Variants in RANBP2 observed in about 807,000 individuals in gnomAD.
RANBP2 encodes the protein RAN binding protein 2.
In RANBP2, 57 loss-of-function variants were observed where a neutral mutation model predicts 303.6. The ratio of observed to expected loss-of-function variants is 0.19; its 90% confidence interval spans 0.15 to 0.23. The LOEUF (loss-of-function observed/expected upper bound fraction) is 0.23, where lower values mean the gene tolerates loss of function less well. Among genes scored for constraint, RANBP2 ranks in the 10% least tolerant of loss-of-function variants. The pLI is 1.00. For synonymous variants in RANBP2, 1,167 were observed against 1,301.5 expected, an observed-to-expected ratio of 0.90 and a Z score of 2.23; for missense variants, 3,138 against 3,780.8, an observed-to-expected ratio of 0.83 and a Z score of 4.46.
At chr2:108,793,199 A>G in the RANBP2 span, among the ~76,000 whole-genome samples, 1 of 151,850 alleles carries the variant, frequency 6.6e-6, no homozygotes, top group African/African-American at 2.4e-5. Context: ...CTACTAAAAA[A>G]AAAAATAACA....
At chr2:108,749,618 G>A (rs1364574169) in intron 9 of RANBP2, among the ~76,000 whole-genome samples, 1 of 152,074 alleles carries the variant, frequency 6.6e-6, no homozygotes, top group African/African-American at 2.4e-5. Flanking sequence ...TTGAGACAGG[G>A]TCTCGCTGTG....
the RANBP2 span, among the ~76,000 whole-genome samples, chr2:109,051,981 C>G: frequency 6.6e-6 from 1 of 152,194 alleles, no homozygotes; most frequent in African/African-American, 2.4e-5. Flanking sequence ...ATCTCCTGAC[C>G]TGGTGATCCG....
At chr2:109,054,413 G>A in the RANBP2 span, among the ~76,000 whole-genome samples, 1 of 152,154 alleles carries the variant, frequency 6.6e-6, no homozygotes, top group Non-Finnish European at 1.5e-5. Flanking sequence ...GATCTTAAGA[G>A]TTTGGTGAGT....
chr2:109,389,253 TG>T, the RANBP2 span, among the ~76,000 whole-genome samples: 2 of 151,608 alleles, frequency 1.3e-5, no homozygotes, highest in Admixed American at 1.3e-4. Flanking sequence ...GGGGCAAGCG[TG>T]GGCCAGGCCC....
chr2:109,486,150 G>C, the RANBP2 span, among the ~76,000 whole-genome samples: 1 of 152,198 alleles, frequency 6.6e-6, no homozygotes, highest in African/African-American at 2.4e-5. Flanking sequence ...TCTGTGTCTT[G>C]ACATTACTCT....
At chr2:109,495,637 G>A in the RANBP2 span, among the ~76,000 whole-genome samples, 24 of 151,592 alleles carry the variant, frequency 1.6e-4, no homozygotes, top group African/African-American at 4.6e-4. Context: ...GATTACAGGC[G>A]TCCACTGACA....
the RANBP2 span, among the ~76,000 whole-genome samples, chr2:109,296,010 G>T: frequency 5.9e-5 from 9 of 152,082 alleles, no homozygotes; most frequent in African/African-American, 2.2e-4. Context: ...CATCTGTGAA[G>T]GATTGATGGG....
At chr2:108,924,345 C>A in the RANBP2 span, among the ~76,000 whole-genome samples, 3 of 152,246 alleles carry the variant, frequency 2.0e-5, no homozygotes, top group South Asian at 6.2e-4. Context: ...TTGGGGCTCC[C>A]AGCTCGGGCG....
At chr2:109,472,541 C>G in the RANBP2 span, among the ~76,000 whole-genome samples, 1 of 152,174 alleles carries the variant, frequency 6.6e-6, no homozygotes, top group Non-Finnish European at 1.5e-5. Flanking sequence ...TCAGAAACCC[C>G]GATCCAATTG....
the RANBP2 span, among the ~76,000 whole-genome samples, chr2:108,899,978 T>A: frequency 6.6e-6 from 1 of 151,970 alleles, no homozygotes; most frequent in South Asian, 2.1e-4. Flanking sequence ...AGAGTAAAAC[T>A]CCATGTCAAA....
chr2:109,586,645 G>A, the RANBP2 span, among the ~76,000 whole-genome samples: 1 of 152,208 alleles, frequency 6.6e-6, no homozygotes, highest in Admixed American at 6.5e-5. Flanking sequence ...TCCCAGAAGG[G>A]GGAAAATGGG....
chr2:109,069,008 C>T, the RANBP2 span, among the ~76,000 whole-genome samples: 1 of 152,162 alleles, frequency 6.6e-6, no homozygotes, highest in Non-Finnish European at 1.5e-5. Context: ...GGCACTCCTC[C>T]CTTAGACAGG....
At chr2:109,742,250 C>T in the RANBP2 span, among the ~76,000 whole-genome samples, 1 of 86,298 alleles carries the variant, frequency 1.2e-5, no homozygotes, top group African/African-American at 5.1e-5. Flanking sequence ...GGTGAAATCC[C>T]GTCTCTACGA....
chr2:108,818,442 T>C, the RANBP2 span, among the ~76,000 whole-genome samples: 1 of 152,358 alleles, frequency 6.6e-6, no homozygotes, highest in South Asian at 2.1e-4. Context: ...TCTGTTGACA[T>C]GTTCAGGATT....
chr2:108,832,619 T>C, the RANBP2 span, among the ~76,000 whole-genome samples: 2 of 152,186 alleles, frequency 1.3e-5, no homozygotes, highest in Admixed American at 1.3e-4. Flanking sequence ...TGATGCTCTT[T>C]CTGTAGTTTT....
At chr2:109,200,340 C>T in the RANBP2 span, among the ~76,000 whole-genome samples, 1 of 152,162 alleles carries the variant, frequency 6.6e-6, no homozygotes, top group East Asian at 1.9e-4. Flanking sequence ...CTAGCAGCCT[C>T]CTTTCCATAG....
the RANBP2 span, among the ~76,000 whole-genome samples, chr2:109,021,939 G>A: frequency 2.5e-4 from 38 of 152,310 alleles, 1 homozygote; most frequent in Admixed American, 4.6e-4. Flanking sequence ...AGAGCAACCC[G>A]GGAGCCAAGC....
chr2:109,041,330 G>A, the RANBP2 span, among the ~76,000 whole-genome samples: 2 of 152,142 alleles, frequency 1.3e-5, no homozygotes, highest in East Asian at 3.9e-4. Flanking sequence ...AGACCTCCAG[G>A]ACAATGTTGA....
chr2:109,574,484 G>A, the RANBP2 span: 2 of 702,244 alleles, frequency 2.8e-6, no homozygotes, highest in Non-Finnish European at 2.0e-6. Context: ...AAGATGCACA[G>A]GATAAAAGTT....
Sources: allele counts gnomAD v4.1 joint callset (sites outside exome capture counted in the v4.1 genomes callset), GRCh38; gene constraint gnomAD v4.1.1; transcripts MANE v1.5; gene names NCBI Gene and HGNC (gene_info 2026-07-23, HGNC 2026-07-21).